Variants in MAML3 observed in about 807,000 individuals in gnomAD.
MAML3 encodes the protein mastermind-like protein 3.
A neutral mutation model predicts 101.9 loss-of-function variants in MAML3; 27 were observed. That is an observed-to-expected ratio of 0.27 (90% confidence interval 0.20 to 0.37). MAML3 has a LOEUF of 0.37. Among genes scored for constraint, MAML3 ranks in the 10% least tolerant of loss-of-function variants. The pLI, the probability that MAML3 is intolerant of heterozygous loss-of-function variation, is 1.00. For missense variants in MAML3, 1,316 were observed against 1,444.9 expected (o/e 0.91, Z 1.45); for synonymous variants, 501 against 555.9 (o/e 0.90, Z 1.39).
chr4:139,863,414 G>A (rs999438394), intron 2 of MAML3, among the ~76,000 whole-genome samples: 1 of 143,100 alleles, frequency 7.0e-6, no homozygotes, highest in Non-Finnish European at 1.5e-5. Flanking sequence ...GCAATGGTGT[G>A]ATCTTGGCTC....
Position 140,148,064 on chromosome 4 carries a change from T to C in MAML3, c.468+4796A>G, listed in dbSNP as rs147372494. On this transcript the variant is annotated intron_variant, in intron 1 of 4. Transcript: ENST00000509479. The stretch of plus-strand genomic sequence containing the variant: ...CAGAAAATAACTCCATATAACTCTA[T>C]TTTACTATTAAATTCCTCATCCTTC... Among the ~76,000 whole-genome samples the C allele has an allele frequency of 8.5e-5, 13 of 152,322 alleles. No individual in the cohort carries two copies. The East Asian group carries it at 1.9e-3, about 23-fold the overall frequency.
At chr4:140,110,727 C>T (rs141118200) in intron 1 of MAML3, among the ~76,000 whole-genome samples, 3 of 152,306 alleles carry the variant, frequency 2.0e-5, no homozygotes, top group South Asian at 2.1e-4. Flanking sequence ...GATAACCCTC[C>T]GGGTGCAGGC....
At chr4:140,036,081 T>C (rs1020004599) in intron 1 of MAML3, among the ~76,000 whole-genome samples, 1 of 152,244 alleles carries the variant, frequency 6.6e-6, no homozygotes, top group Non-Finnish European at 1.5e-5. Context: ...GACTGGCCAC[T>C]GTTACAGCCT....
chr4:140,140,389 C>T (rs1728961264), intron 1 of MAML3, among the ~76,000 whole-genome samples: 1 of 151,676 alleles, frequency 6.6e-6, no homozygotes, highest in Admixed American at 6.6e-5. Flanking sequence ...ACTGGATGGC[C>T]TAGGTGCAAG....
chr4:139,843,497 C>T (rs1239589342), intron 2 of MAML3, among the ~76,000 whole-genome samples: 1 of 152,180 alleles, frequency 6.6e-6, no homozygotes, highest in African/African-American at 2.4e-5. Flanking sequence ...CTTAATTACC[C>T]ATGTTTAAGG....
chr4:139,780,551 A>T (rs1210972653), intron 2 of MAML3, among the ~76,000 whole-genome samples: 2 of 152,052 alleles, frequency 1.3e-5, no homozygotes, highest in Non-Finnish European at 2.9e-5. Context: ...TCTCCTGAGT[A>T]ATCCTTGAAA....
intron 1 of MAML3, among the ~76,000 whole-genome samples, chr4:140,063,249 G>T (rs7673839): frequency 0.97 from 148,364 of 152,310 alleles, 72,368 homozygotes; most frequent in East Asian, 1. Flanking sequence ...CAGCCAGGCC[G>T]GAACTCAAAA....
At chr4:139,783,036 C>A (rs2111081781) in intron 2 of MAML3, among the ~76,000 whole-genome samples, 1 of 152,260 alleles carries the variant, frequency 6.6e-6, no homozygotes, top group East Asian at 1.9e-4. Context: ...TGATAGGAAT[C>A]CTTCCCCAGG....
rs544290381 is a variant in MAML3, at chr4:140,065,133, T to C, written c.468+87727A>G. On this transcript the variant is annotated intron_variant, in intron 1 of 4. Transcript: ENST00000509479. ...CCATGAAGTTGTCTCTACCATTAAA[T>C]GCCAAGACCTAGTAGCAAAACAGAA... Among the ~76,000 whole-genome samples the C allele has an allele frequency of 3.3e-5, 5 of 152,340 alleles. No individual in the cohort carries two copies. The East Asian group carries it at 9.6e-4, about 29-fold the overall frequency.
chr4:140,023,037 T>C (rs1006643513), intron 1 of MAML3, among the ~76,000 whole-genome samples: 1 of 152,192 alleles, frequency 6.6e-6, no homozygotes, highest in African/African-American at 2.4e-5. Flanking sequence ...CCTTTTAAGA[T>C]ATTGAAGGCT....
intron 1 of MAML3, among the ~76,000 whole-genome samples, chr4:140,131,527 G>A (rs138307614): frequency 1.3e-5 from 2 of 152,356 alleles, no homozygotes; most frequent in East Asian, 1.9e-4. Context: ...AGGAAAAGTA[G>A]AATGGAATTT....
intron 1 of MAML3, among the ~76,000 whole-genome samples, chr4:139,914,363 G>T (rs1432979233): frequency 6.6e-6 from 1 of 152,098 alleles, no homozygotes; most frequent in Non-Finnish European, 1.5e-5. Context: ...CAGTCTGCCT[G>T]GTAGAGCTCA....
At chr4:139,829,170 G>A (rs1052378119) in intron 2 of MAML3, among the ~76,000 whole-genome samples, 4 of 146,806 alleles carry the variant, frequency 2.7e-5, no homozygotes, top group Non-Finnish European at 4.5e-5. Flanking sequence ...AAGGAAGCAC[G>A]GAAGGAAGTG....
intron 1 of MAML3, among the ~76,000 whole-genome samples, chr4:139,947,762 A>G (rs1300878974): frequency 2.0e-5 from 3 of 152,144 alleles, no homozygotes; most frequent in Non-Finnish European, 4.4e-5. Flanking sequence ...AAAACAAAAC[A>G]AAACAATAAC....
rs113033910 is a variant in MAML3, at chr4:139,818,907, T to A, written c.2079+70450A>T. ...TGTCTAGAAAATCTGGTTGTACATA[T>A]GGCCTGTATCAAACATTTTAATATT... On this transcript the variant is annotated intron_variant, in intron 2 of 4. Transcript: ENST00000509479. 7.3e-3 allele frequency among the ~76,000 whole-genome samples: 1,108 copies of A among 152,298 alleles called. 19 individuals carry two copies. The highest frequency in any genetic ancestry group is 0.025 in the African/African-American group (1,051 of 41,558).
chr4:139,922,948 G>T (rs776339042), intron 1 of MAML3, among the ~76,000 whole-genome samples: 26 of 152,222 alleles, frequency 1.7e-4, no homozygotes, highest in Non-Finnish European at 3.2e-4. Flanking sequence ...AGGACAGAGT[G>T]CTTGCAGGGG....
At chr4:140,081,269 C>A (rs549043384) in intron 1 of MAML3, among the ~76,000 whole-genome samples, 1 of 151,606 alleles carries the variant, frequency 6.6e-6, no homozygotes, top group African/African-American at 2.4e-5. Flanking sequence ...AACAAATATA[C>A]ATACACATTT....
chr4:139,872,393 G>T (rs1732029389), intron 2 of MAML3, among the ~76,000 whole-genome samples: 1 of 152,172 alleles, frequency 6.6e-6, no homozygotes, highest in African/African-American at 2.4e-5. Flanking sequence ...AAGCCTGACG[G>T]ACTTAAAGGA....
In MAML3 at chr4:139,718,954, G is replaced by T; in HGVS notation, c.*369C>A. On this transcript the variant is annotated 3_prime_UTR_variant, in exon 5 of 5. Coordinates refer to ENST00000509479, the MANE Select transcript of MAML3 (RefSeq NM_018717.5). ...CTCCCGACCTGGGGCAGGAGGGGCT[G>T]AGGATACCTCTCTTGGGTAATAGTC... is the stretch of plus-strand genomic sequence containing the variant. 5.1e-6 allele frequency: 1 copy of T among 197,442 alleles called. No homozygotes were observed. Among genetic ancestry groups the T allele is most frequent in the Non-Finnish European group, 1.0e-5 (1 of 96,542 alleles). The allele number at this position is 197,442 out of a possible 1,614,324, so 12.2% of individuals were successfully genotyped here.
Sources: gnomAD v4.1 joint callset for allele counts (sites outside exome capture counted in the v4.1 genomes callset) on GRCh38, gnomAD v4.1.1 for gene constraint, MANE v1.5 for transcripts, NCBI Gene and HGNC (gene_info 2026-07-23, HGNC 2026-07-21) for gene names.